USH2A: variants seen among roughly 807,000 people sequenced by gnomAD.
USH2A encodes usherin.
In USH2A, 443 loss-of-function variants were observed where a neutral mutation model predicts 538.9. That is an observed-to-expected ratio of 0.82 (90% CI 0.76 to 0.89). The LOEUF (loss-of-function observed/expected upper bound fraction) is 0.89. Ranked by LOEUF, USH2A falls within the 40% of genes least tolerant of loss-of-function variation. The pLI, the probability that USH2A is intolerant of heterozygous loss-of-function variation, is 0.00. For missense variants in USH2A, 6,633 were observed against 6,324.8 expected (o/e 1.05, Z -1.65); for synonymous variants, 2,413 against 2,273.5 (o/e 1.06, Z -1.75).
chr1:215,961,376 G>T (rs973385717), intron 37 of USH2A, among the ~76,000 whole-genome samples: 1 of 151,506 alleles, frequency 6.6e-6, no homozygotes, highest in African/African-American at 2.4e-5. Context: ...GAGCTCTTGC[G>T]AGAGACACAA....
At chr1:215,847,781 A>T (rs1161303935) in intron 44 of USH2A, among the ~76,000 whole-genome samples, 5 of 152,194 alleles carry the variant, frequency 3.3e-5, no homozygotes, top group Admixed American at 6.5e-5. Flanking sequence ...ATATAAAGTA[A>T]TATAGCTTTG....
At chr1:215,735,476 G>T (rs1660130449) in intron 60 of USH2A, among the ~76,000 whole-genome samples, 2 of 152,102 alleles carry the variant, frequency 1.3e-5, no homozygotes, top group Admixed American at 1.3e-4. Flanking sequence ...ACACAAAGAA[G>T]GAAATAGGAA....
chr1:215,887,423 G>A (rs4336821), intron 41 of USH2A, among the ~76,000 whole-genome samples: 6,162 of 152,098 alleles, frequency 0.041, 133 homozygotes, highest in Middle Eastern at 0.071. Context: ...TGAATCAAGA[G>A]CAATTCTTTA....
At position 215,667,676 on chromosome 1, in the gene USH2A, T is replaced by C. The variant is rs1039820592; in HGVS notation, c.14133+3296A>G. Among the ~76,000 whole-genome samples, 19 of 149,908 alleles carry C rather than the reference T, an allele frequency of 1.3e-4. 1 individual carries two copies. In the Admixed American group the frequency reaches 1.3e-3, roughly 10 times the overall value. ...TCGTGCCATTGCACTCCAGCCTGGG[T>C]GACAGAGCGAGACTGTGTCTCAGAA... On this transcript the variant is annotated intron_variant, in intron 64 of 71. Coordinates refer to ENST00000307340, the MANE Select transcript of USH2A (RefSeq NM_206933.4).
At chr1:216,269,972 T>A (rs2102579401) in intron 11 of USH2A, among the ~76,000 whole-genome samples, 1 of 152,232 alleles carries the variant, frequency 6.6e-6, no homozygotes, top group Non-Finnish European at 1.5e-5. Flanking sequence ...CATCAAGTAA[T>A]CCATATATGA....
intron 40 of USH2A, among the ~76,000 whole-genome samples, chr1:215,898,214 A>T (rs1354996389): frequency 6.6e-6 from 1 of 152,208 alleles, no homozygotes; most frequent in Non-Finnish European, 1.5e-5. Context: ...TTATGAGTTG[A>T]TACCTGCTAT....
At chr1:215,930,593 T>G (rs1571823164) in intron 38 of USH2A, among the ~76,000 whole-genome samples, 1 of 152,058 alleles carries the variant, frequency 6.6e-6, no homozygotes, top group Non-Finnish European at 1.5e-5. Flanking sequence ...TTCCATCATT[T>G]AACTACATGC....
At position 215,713,050 on chromosome 1, in the gene USH2A, G is replaced by T. The variant is rs574974621; in HGVS notation, c.12066+14980C>A. Among the ~76,000 whole-genome samples, 45 of 152,238 alleles carry T rather than the reference G, an allele frequency of 3.0e-4. 1 individual carries two copies. In the South Asian group the frequency reaches 9.1e-3, roughly 31 times the overall value. On this transcript the variant is annotated intron_variant, in intron 61 of 71. Transcript: ENST00000307340. ...TCAAACTCCCGACCTCAGGTGATCT[G>T]CCCACCTCGGCTTCCCAAAGTGCTG...
intron 35 of USH2A, among the ~76,000 whole-genome samples, chr1:215,981,518 T>C (rs951322324): frequency 2.6e-5 from 4 of 152,268 alleles, no homozygotes; most frequent in Middle Eastern, 3.4e-3. Flanking sequence ...CTTTCATTCT[T>C]TGACTTTCAA....
At chr1:216,240,610 A>G (rs938419005) in intron 13 of USH2A, among the ~76,000 whole-genome samples, 3 of 152,094 alleles carry the variant, frequency 2.0e-5, no homozygotes, top group African/African-American at 4.8e-5. Context: ...TTTTTAATGA[A>G]AAGTTTTCAT....
chr1:216,188,555 C>T (rs567870779), intron 20 of USH2A, among the ~76,000 whole-genome samples: 28 of 151,826 alleles, frequency 1.8e-4, no homozygotes, highest in African/African-American at 6.8e-4. Context: ...TAACGACAGC[C>T]CCCAAGGAAG....
In USH2A at chr1:215,743,371, C is replaced by CATATATATATATATATATATAT. The variant is rs376081393; in HGVS notation, c.11390-37_11390-36insATATATATATATATATATATAT. 43 of 406,076 alleles carry CATATATATATATATATATATAT rather than the reference C, an allele frequency of 1.1e-4. 3 individuals are homozygous for CATATATATATATATATATATAT. The highest frequency in any genetic ancestry group is 6.0e-4 in the East Asian group (9 of 15,112). The allele number at this position is 406,076 out of a possible 1,614,324, so 25.2% of individuals were successfully genotyped here. On this transcript the variant is annotated intron_variant, in intron 58 of 71. Transcript: ENST00000307340. The stretch of plus-strand genomic sequence containing the variant: ...AGAGAGAGAGAGAGAACATTAAAAA[C>CATATATATATATATATATATAT]ATATATATATATATATGTGTGTGTG...
intron 58 of USH2A, among the ~76,000 whole-genome samples, chr1:215,743,713 G>A (rs1353141940): frequency 1.3e-5 from 2 of 150,652 alleles, no homozygotes; most frequent in Admixed American, 6.6e-5. Context: ...CCAGCTACTC[G>A]GGAGGCTGAG....
intron 61 of USH2A, among the ~76,000 whole-genome samples, chr1:215,693,540 C>T (rs927036514): frequency 2.0e-5 from 3 of 152,142 alleles, no homozygotes; most frequent in East Asian, 1.9e-4. Context: ...ATTAGTAGTT[C>T]CAGTGTTTTC....
At chr1:216,351,589 C>T (rs1312377286) in intron 4 of USH2A, among the ~76,000 whole-genome samples, 1 of 152,172 alleles carries the variant, frequency 6.6e-6, no homozygotes, top group African/African-American at 2.4e-5. Context: ...GTGGTTTTCA[C>T]TCTGGTAAAA....
At chr1:215,701,924 C>T (rs977381790) in intron 61 of USH2A, among the ~76,000 whole-genome samples, 1 of 152,050 alleles carries the variant, frequency 6.6e-6, no homozygotes, top group Non-Finnish European at 1.5e-5. Context: ...ATCGTCTTTA[C>T]ATTTTGGTAT....
chr1:216,370,693 A>AAAAAAAAAAAAAAAAAAAAAAAC, intron 3 of USH2A, among the ~76,000 whole-genome samples: 2 of 150,556 alleles, frequency 1.3e-5, no homozygotes, highest in Non-Finnish European at 3.0e-5. Flanking sequence ...AAAAAAAAAA[A>AAAAAAAAAAAAAAAAAAAAAAAC]AAAAAAAAAT....
In USH2A at chr1:215,969,548, CT is replaced by C. The variant is rs1203543611; in HGVS notation, c.6957+1076del. Among the ~76,000 whole-genome samples the C allele has an allele frequency of 4.2e-3, 593 of 142,886 alleles. 1 individual carries two copies. Among genetic ancestry groups the C allele is most frequent in the African/African-American group, 6.9e-3 (270 of 39,294 alleles). The allele number at this position is 142,886 out of a possible 152,430, so 93.7% of individuals were successfully genotyped here. A position where few individuals can be genotyped will look rare whatever the true frequency, so the allele number is the denominator to read the frequency against. ...GTGACGTGTTCTTTTGTTTCTTTTT[CT>C]TTTTTTTTTTTTGAATGGATAAGAA... On this transcript the variant is annotated intron_variant, in intron 36 of 71. Transcript: ENST00000307340.
intron 21 of USH2A, among the ~76,000 whole-genome samples, chr1:216,106,101 TAAAGTTTGAACGA>T (rs2032724339): frequency 6.7e-6 from 1 of 149,734 alleles, no homozygotes; most frequent in Admixed American, 6.7e-5. Flanking sequence ...GAACTACTGG[TAAAGTTTGAACGA>T]AAACTTGATC....
Sources: allele counts gnomAD v4.1 joint callset (sites outside exome capture counted in the v4.1 genomes callset), GRCh38; gene constraint gnomAD v4.1.1; transcripts MANE v1.5; gene names NCBI Gene and HGNC (gene_info 2026-07-23, HGNC 2026-07-21).